Variants in MCTP1 observed in about 807,000 individuals in gnomAD.
MCTP1 encodes the protein multiple C2 and transmembrane domain-containing protein 1.
MCTP1 carries 69 observed loss-of-function variants against 120.6 expected under a neutral mutation model. The observed-to-expected ratio is 0.57, with a 90% CI of 0.47 to 0.70. The LOEUF (loss-of-function observed/expected upper bound fraction) is 0.70, where lower values mean the gene tolerates loss of function less well. Ranked by LOEUF, MCTP1 falls within the 30% of genes least tolerant of loss-of-function variation. The pLI is 0.00. For synonymous variants in MCTP1, 529 were observed against 493.1 expected (o/e 1.07, Z -0.96); for missense variants, 1,203 against 1,248.8 (o/e 0.96, Z 0.55).
chr5:94,793,950 T>C lies in MCTP1; in HGVS notation c.2556+5063A>G, dbSNP rs1016737044. ...CTGGTTCTCACTGGAACAGACCTAATGGGAGACAATATTCAGTACTATTCT... is the reference window on the plus strand; with the variant it reads ...CTGGTTCTCACTGGAACAGACCTAACGGGAGACAATATTCAGTACTATTCT... On this transcript the variant is annotated intron_variant, in intron 18 of 22. Coordinates refer to ENST00000515393, the MANE Select transcript of MCTP1 (RefSeq NM_024717.7). Among the ~76,000 whole-genome samples the C allele has an allele frequency of 2.0e-5, 3 of 152,184 alleles. 1 individual carries two copies. Among genetic ancestry groups the C allele is most frequent in the Admixed American group, 6.5e-5 (1 of 15,278 alleles).
At chr5:94,768,698 C>T (rs1321989631) in intron 19 of MCTP1, among the ~76,000 whole-genome samples, 1 of 151,976 alleles carries the variant, frequency 6.6e-6, no homozygotes, top group Non-Finnish European at 1.5e-5. Context: ...ATCATTCCAC[C>T]CAGTTAAGAT....
At chr5:94,737,173 GAGAA>G (rs1370558250) in intron 19 of MCTP1, among the ~76,000 whole-genome samples, 5 of 150,208 alleles carry the variant, frequency 3.3e-5, no homozygotes, top group Non-Finnish European at 7.4e-5. Flanking sequence ...TTTTTTTGTA[GAGAA>G]AGAATCTCAC....
chr5:95,191,071 A>C (rs996173797), intron 1 of MCTP1, among the ~76,000 whole-genome samples: 2 of 152,070 alleles, frequency 1.3e-5, no homozygotes, highest in Admixed American at 1.3e-4. Flanking sequence ...AATGAAGATC[A>C]AAGCACATAA....
At chr5:94,779,058 A>C (rs1200906988) in intron 19 of MCTP1, 52 bp downstream of exon 19, 1 of 1,478,224 alleles carries the variant, frequency 6.8e-7, no homozygotes, top group African/African-American at 1.4e-5. Context: ...AAACAGTGTC[A>C]TGTCTACATT....
intron 1 of MCTP1, among the ~76,000 whole-genome samples, chr5:95,060,775 C>T (rs983087540): frequency 6.6e-6 from 1 of 152,008 alleles, no homozygotes; most frequent in Non-Finnish European, 1.5e-5. Flanking sequence ...AGTTTGAGAA[C>T]AGCCTGGCCA....
chr5:94,973,562 C>T (rs1169940094), intron 2 of MCTP1, among the ~76,000 whole-genome samples: 1 of 152,108 alleles, frequency 6.6e-6, no homozygotes, highest in Non-Finnish European at 1.5e-5. Context: ...ATCCCAGAAC[C>T]TGCCACAAAG....
chr5:94,856,128 A>G (rs924473690), intron 17 of MCTP1, among the ~76,000 whole-genome samples: 2 of 151,752 alleles, frequency 1.3e-5, no homozygotes, highest in African/African-American at 2.4e-5. Flanking sequence ...CACTAACACT[A>G]TGACATTTTT....
intron 1 of MCTP1, among the ~76,000 whole-genome samples, chr5:95,224,846 TCTTCCTGAACAG>T (rs1754084334): frequency 6.6e-6 from 1 of 152,158 alleles, no homozygotes; most frequent in South Asian, 2.1e-4. Flanking sequence ...TCATTTGTTT[TCTTCCTGAACAG>T]CTACTCAATT....
intron 1 of MCTP1, among the ~76,000 whole-genome samples, chr5:95,062,523 TCAGA>T (rs1357495402): frequency 1.3e-5 from 2 of 152,160 alleles, no homozygotes; most frequent in African/African-American, 4.8e-5. Context: ...GATGTGAAAA[TCAGA>T]CAGGCAGCAC....
At chr5:95,129,321 A>G (rs1418613866) in intron 1 of MCTP1, among the ~76,000 whole-genome samples, 1 of 152,220 alleles carries the variant, frequency 6.6e-6, no homozygotes, top group East Asian at 1.9e-4. Context: ...GTAACTCAGA[A>G]AACTATCTGA....
chr5:95,235,885 T>C (rs1489190962), intron 1 of MCTP1, among the ~76,000 whole-genome samples: 3 of 152,202 alleles, frequency 2.0e-5, no homozygotes, highest in Non-Finnish European at 1.5e-5. Context: ...CCTGAGCTAC[T>C]TCTGACTACA....
At chr5:95,273,883 C>A (rs1759602476) in intron 1 of MCTP1, among the ~76,000 whole-genome samples, 1 of 152,156 alleles carries the variant, frequency 6.6e-6, no homozygotes, top group Non-Finnish European at 1.5e-5. Context: ...TCTTTTTACT[C>A]CCCCTTCCCT....
intron 1 of MCTP1, among the ~76,000 whole-genome samples, chr5:95,238,280 A>ATAT (rs948857118): frequency 2.0e-5 from 3 of 152,194 alleles, no homozygotes; most frequent in Non-Finnish European, 2.9e-5. Context: ...TTGGATTGGT[A>ATAT]TATTATTATT....
intron 1 of MCTP1, among the ~76,000 whole-genome samples, chr5:95,077,114 T>TTCTCTAATATTAGAGAGTCTAATA (rs1753765330): frequency 3.3e-5 from 5 of 152,178 alleles, no homozygotes; most frequent in Non-Finnish European, 5.9e-5. Context: ...TTAGTTTGAG[T>TTCTCTAATATTAGAGAGTCTAATA]TCTCTAATGA....
chr5:95,232,778 A>G (rs2152654847), intron 1 of MCTP1, among the ~76,000 whole-genome samples: 1 of 152,370 alleles, frequency 6.6e-6, no homozygotes, highest in African/African-American at 2.4e-5. Context: ...AAGATGTATC[A>G]TGCTAATACT....
intron 1 of MCTP1, among the ~76,000 whole-genome samples, chr5:95,232,749 A>C (rs1755106479): frequency 6.6e-6 from 1 of 152,194 alleles, no homozygotes; most frequent in Non-Finnish European, 1.5e-5. Context: ...ATAATGTGTT[A>C]AAATAAAATT....
At chr5:94,750,396 A>G (rs569070356) in intron 19 of MCTP1, among the ~76,000 whole-genome samples, 2 of 152,234 alleles carry the variant, frequency 1.3e-5, no homozygotes, top group Non-Finnish European at 2.9e-5. Context: ...AGAATCATAA[A>G]CCTACTAGAC....
intron 19 of MCTP1, among the ~76,000 whole-genome samples, chr5:94,733,593 G>GCCCC (rs371559889): frequency 3.9e-5 from 6 of 152,010 alleles, no homozygotes; most frequent in Admixed American, 1.3e-4. Context: ...TAGAAAAGAA[G>GCCCC]CCCCCTTCCC....
intron 2 of MCTP1, among the ~76,000 whole-genome samples, chr5:94,970,345 G>T (rs916271816): frequency 6.6e-6 from 1 of 151,882 alleles, no homozygotes; most frequent in Non-Finnish European, 1.5e-5. Flanking sequence ...TCAAATTTGG[G>T]ATATATATGT....
Sources: gnomAD v4.1 joint callset for allele counts (sites outside exome capture counted in the v4.1 genomes callset) on GRCh38, gnomAD v4.1.1 for gene constraint, MANE v1.5 for transcripts, NCBI Gene and HGNC (gene_info 2026-07-23, HGNC 2026-07-21) for gene names.